Variants in RAD17 observed in about 807,000 individuals in gnomAD.
The protein encoded by RAD17 is cell cycle checkpoint protein RAD17.
A neutral mutation model predicts 81.5 loss-of-function variants in RAD17; 31 were observed. The observed-to-expected ratio is 0.38, with a 90% CI of 0.29 to 0.51. The LOEUF (loss-of-function observed/expected upper bound fraction) is 0.51. Among genes scored for constraint, RAD17 ranks in the 20% least tolerant of loss-of-function variants. RAD17 has a pLI of 0.88. For synonymous variants in RAD17, 261 were observed against 266.2 expected, an observed-to-expected ratio of 0.98 and a Z score of 0.19; for missense variants, 681 against 781.2, an observed-to-expected ratio of 0.87 and a Z score of 1.53.
chr5:69,410,965 C>CAATATATATA (rs1554044687), intron 18 of RAD17, among the ~76,000 whole-genome samples: 4 of 90,264 alleles, frequency 4.4e-5, no homozygotes, highest in African/African-American at 1.5e-4. Flanking sequence ...AGATGTCTGT[C>CAATATATATA]TATATATATA....
At position 69,384,889 on chromosome 5, in the gene RAD17, C is replaced by T; in HGVS notation, c.601C>T (p.Leu201Phe). 3 of 1,611,888 alleles carry T rather than the reference C, an allele frequency of 1.9e-6. No individual in the cohort carries two copies. The highest frequency in any genetic ancestry group is 2.7e-5 in the African/African-American group (2 of 74,776). The change falls in exon 8 of 19, where the codon CTT (leucine) becomes TTT (phenylalanine). Residue 201 changes from leucine to phenylalanine, a missense_variant. Physicochemically the swap from Leu to Phe is conservative, Grantham distance 22. Coordinates refer to ENST00000354868, the MANE Select transcript of RAD17 (RefSeq NM_133338.3). ...RATKYNKLQM[L>F]GDDLRTDKKI... is the part of the protein sequence containing the mutation. ...GACAAAGTATAACAAGTTACAAATG[C>T]TTGGAGATGATCTGAGAACTGATAA... is the stretch of plus-strand genomic sequence containing the variant.
chr5:69,392,120 GAGTT>G lies in RAD17; in HGVS notation c.1189+110_1189+113del, dbSNP rs568221933. The G allele has an allele frequency of 1.4e-4, 127 of 935,016 alleles. 2 individuals are homozygous for G. The South Asian group carries it at 1.5e-3, about 11-fold the overall frequency. The allele number at this position is 935,016 out of a possible 1,614,324, so 57.9% of individuals were successfully genotyped here. On this transcript the variant is annotated intron_variant, in intron 13 of 18. Transcript: ENST00000354868. ...GTCATGTATTTTGGTTCTGCTCTAA[GAGTT>G]AGAGCTAGGTCAGATACTGTTTGCC...
intron 1 of RAD17, chr5:69,370,223 C>T (rs2150753093): frequency 6.4e-6 from 1 of 155,310 alleles, no homozygotes; most frequent in East Asian, 1.9e-4. Context: ...GAAGGTCTAC[C>T]TCTGACATCT....
chr5:69,380,460 G>C (rs984415706), intron 6 of RAD17, among the ~76,000 whole-genome samples: 7 of 152,132 alleles, frequency 4.6e-5, no homozygotes, highest in Non-Finnish European at 7.4e-5. Flanking sequence ...ACTGAAAGTT[G>C]ATTATCTGGC....
intron 17 of RAD17, among the ~76,000 whole-genome samples, chr5:69,404,285 A>G (rs900820238): frequency 6.6e-6 from 1 of 152,240 alleles, no homozygotes; most frequent in Non-Finnish European, 1.5e-5. Context: ...TCTGCACAGC[A>G]AAGGAAACAA....
intron 14 of RAD17, 36 bp downstream of exon 14, chr5:69,393,276 A>G (rs1561259226): frequency 6.4e-7 from 1 of 1,569,482 alleles, no homozygotes; most frequent in Non-Finnish European, 8.7e-7. Flanking sequence ...TAGGTTACAA[A>G]GGATATATTA....
chr5:69,404,627 G>C (rs892889470), intron 17 of RAD17, among the ~76,000 whole-genome samples: 1 of 152,028 alleles, frequency 6.6e-6, no homozygotes, highest in Non-Finnish European at 1.5e-5. Flanking sequence ...AAATTAGCTG[G>C]GTGCAGTGGT....
chr5:69,392,660 C>T (rs1201772094), intron 13 of RAD17: 1 of 274,242 alleles, frequency 3.6e-6, no homozygotes, highest in Non-Finnish European at 7.5e-6. Flanking sequence ...GAGGACACTC[C>T]TCTGTCACTG....
At chr5:69,369,333 A>T, upstream of RAD17, 2 of 930,316 alleles carry the variant, frequency 2.1e-6, no homozygotes, top group Non-Finnish European at 2.9e-6. Context: ...GGGCGCTGAC[A>T]ACCGCCTCGT....
upstream of RAD17, chr5:69,369,710 G>A (rs1171434198): frequency 1.3e-6 from 2 of 1,551,434 alleles, no homozygotes; most frequent in African/African-American, 1.4e-5. Context: ...GCATAACTCG[G>A]GTCGGTACTT....
chr5:69,392,898 A>C (rs1275411922), intron 13 of RAD17: 1 of 487,190 alleles, frequency 2.1e-6, no homozygotes, highest in Non-Finnish European at 3.7e-6. Flanking sequence ...AAAAGGTGAA[A>C]TGGGAGTGCA....
Position 69,391,852 on chromosome 5 carries a change from G to A in RAD17, c.1028G>A (p.Arg343Lys). The change falls in exon 13 of 19, where the codon AGG becomes AAG. Residue 343 changes from arginine (R) to lysine (K), a missense_variant. Coordinates refer to ENST00000354868, the MANE Select transcript of RAD17 (RefSeq NM_133338.3). ...SSKGENNLRPRKKGMSLKSDA... is the reference protein window; with the variant it reads ...SSKGENNLRPKKKGMSLKSDA... ...TCAGGAGAAAACAACTTACGGCCAA[G>A]GAAAAAAGGAATGTCTTTAAAATCA... 1 of 1,554,228 alleles carries A rather than the reference G, an allele frequency of 6.4e-7. No individual in the cohort carries two copies. Among genetic ancestry groups the A allele is most frequent in the African/African-American group, 1.4e-5 (1 of 70,978 alleles).
chr5:69,374,899 G>T (rs1029788027), intron 6 of RAD17, among the ~76,000 whole-genome samples, 188 bp downstream of exon 6: 66 of 152,182 alleles, frequency 4.3e-4, no homozygotes, highest in African/African-American at 1.5e-3. Flanking sequence ...GCCAAGGCAG[G>T]AGGATCACTT....
chr5:69,395,992 A>G (rs1764860371), intron 15 of RAD17, among the ~76,000 whole-genome samples: 1 of 152,240 alleles, frequency 6.6e-6, no homozygotes, highest in Non-Finnish European at 1.5e-5. Context: ...GCCCAGCTGC[A>G]TAGTCATATT....
chr5:69,377,593 A>G (rs751129261), intron 6 of RAD17, among the ~76,000 whole-genome samples: 1 of 34,732 alleles, frequency 2.9e-5, no homozygotes, highest in African/African-American at 7.4e-5. Flanking sequence ...ATACATATAT[A>G]TATGCATATA....
chr5:69,369,499 C>A (rs17356016), upstream of RAD17: 383 of 1,611,610 alleles, frequency 2.4e-4, 4 homozygotes, highest in South Asian at 3.9e-3. Flanking sequence ...ATGGTCCCCG[C>A]CGCGACGGCT....
chr5:69,396,933 A>G (rs1483912673), intron 16 of RAD17, among the ~76,000 whole-genome samples: 1 of 152,124 alleles, frequency 6.6e-6, no homozygotes, highest in African/African-American at 2.4e-5. Context: ...CCCGGGTTCA[A>G]GCAGTTCTCC....
intron 6 of RAD17, among the ~76,000 whole-genome samples, chr5:69,377,000 C>T (rs1249136084): frequency 2.6e-5 from 4 of 152,068 alleles, no homozygotes; most frequent in Admixed American, 6.6e-5. Context: ...GTGATTTACC[C>T]GCCTCGGCTT....
chr5:69,379,929 G>A (rs1021926180), intron 6 of RAD17, among the ~76,000 whole-genome samples: 15 of 151,274 alleles, frequency 9.9e-5, no homozygotes, highest in African/African-American at 2.7e-4. Context: ...TGCCCAGGCT[G>A]GAGTGCAGTG....
Sources: gnomAD v4.1 joint callset for allele counts (sites outside exome capture counted in the v4.1 genomes callset) on GRCh38, gnomAD v4.1.1 for gene constraint, MANE v1.5 for transcripts, NCBI Gene and HGNC (gene_info 2026-07-23, HGNC 2026-07-21) for gene names.